The following ZNF658 variants were observed in gnomAD, a reference collection of about 807,000 sequenced individuals.
ZNF658 encodes zinc finger protein 658.
In ZNF658, 46 loss-of-function variants were observed where a neutral mutation model predicts 78.0. The observed-to-expected ratio is 0.59, with a 90% confidence interval of 0.47 to 0.75. ZNF658 has a LOEUF of 0.75. Among genes scored for constraint, ZNF658 ranks in the 30% least tolerant of loss-of-function variants. The pLI is 0.00. For synonymous variants in ZNF658, 279 were observed against 408.4 expected, an observed-to-expected ratio of 0.68 and a Z score of 3.82; for missense variants, 785 against 1,189.3, an observed-to-expected ratio of 0.66 and a Z score of 5.00.
In ZNF658 at chr9:66,931,572, G is replaced by A. The variant is rs1008087127; in HGVS notation, c.*55-453G>A. Among the ~76,000 whole-genome samples, 24 of 150,348 alleles carry A rather than the reference G, an allele frequency of 1.6e-4. 1 individual carries two copies. The highest frequency in any genetic ancestry group is 2.7e-4 in the Admixed American group (4 of 15,010). On this transcript the variant is annotated intron_variant and NMD_transcript_variant, in intron 6 of 6. Coordinates refer to the ZNF658 transcript ENST00000622180. ...ATCATATTCTCAACAATAATCCTAC[G>A]CTTGGTGAAATGTATAAGGGACCTT...
chr9:66,923,994 C>CA (rs1228528255), downstream of ZNF658, among the ~76,000 whole-genome samples: 7 of 148,164 alleles, frequency 4.7e-5, no homozygotes, highest in East Asian at 6.0e-4. Context: ...ACAAAAAATA[C>CA]AAAAAAATAA....
chr9:66,918,869 G>T lies in ZNF658; in HGVS notation c.1303G>T (p.Val435Leu). The T allele has an allele frequency of 1.3e-6, 2 of 1,599,976 alleles. No individual in the cohort carries two copies. Among genetic ancestry groups the T allele is most frequent in the Non-Finnish European group, 8.5e-7 (1 of 1,170,558 alleles). ...SHPIQHPGTY[V>L]GFKLYECNEC... Reference sequence around the variant, plus strand: ...TCCTATTCAGCATCCTGGAACTTATGTGGGATTCAAACTTTATGAATGTAA... The same window carrying T: ...TCCTATTCAGCATCCTGGAACTTATTTGGGATTCAAACTTTATGAATGTAA... Residue 435 changes from valine to leucine, a missense_variant, in exon 5 of 5, where the codon GTG (valine) becomes TTG (leucine). Around this residue, in one of 12 missense-constraint regions of ZNF658, gnomAD observed 393 missense variants for 400.2 expected, o/e 0.98. Coordinates refer to ENST00000621410, the MANE Select transcript of ZNF658 (RefSeq NM_033160.7).
intron 2 of ZNF658, among the ~76,000 whole-genome samples, chr9:66,905,987 A>G (rs1257137058): frequency 4.7e-5 from 7 of 150,270 alleles, no homozygotes; most frequent in Non-Finnish European, 7.4e-5. Context: ...CATTTTAAAT[A>G]AGGTGGCAAC....
chr9:66,923,920 A>G (rs1432827651), downstream of ZNF658, among the ~76,000 whole-genome samples: 1 of 129,562 alleles, frequency 7.7e-6, no homozygotes, highest in Non-Finnish European at 1.6e-5. Context: ...AGGCTGAAGC[A>G]GGTAGATCAC....
intron 6 of ZNF658, among the ~76,000 whole-genome samples, chr9:66,927,488 A>T (rs1224785335): frequency 2.0e-5 from 3 of 151,718 alleles, no homozygotes; most frequent in Non-Finnish European, 4.4e-5. Flanking sequence ...TTGCTCCAAT[A>T]ATCCCACTTC....
chr9:66,913,139 C>G (rs1822252091), intron 4 of ZNF658, among the ~76,000 whole-genome samples: 1 of 149,770 alleles, frequency 6.7e-6, no homozygotes, highest in South Asian at 2.1e-4. Context: ...AATGTAGAAG[C>G]CTCAGCTAGG....
chr9:66,918,165 A>T lies in ZNF658; in HGVS notation c.599A>T (p.Tyr200Phe), dbSNP rs1280039758. ...EHGENAKAFS[Y>F]KKDQHWKFQT... is the part of the protein sequence containing the mutation. ...GGTGAAAATGCTAAAGCTTTCAGTT[A>T]TAAGAAAGATCAGCATTGGAAATTT... Residue 200 changes from tyrosine (Y) to phenylalanine (F), a missense_variant, in exon 5 of 5, where the codon TAT becomes TTT. Physicochemically the swap from Tyr to Phe is conservative, Grantham distance 22. This residue lies in a region of ZNF658 where 393 missense variants were observed against 400.2 expected (regional missense o/e 0.98). Coordinates refer to ENST00000621410, the MANE Select transcript of ZNF658 (RefSeq NM_033160.7). 6.2e-7 allele frequency: 1 copy of T among 1,606,676 alleles called. No homozygotes were observed. The highest frequency in any genetic ancestry group is 8.5e-7 in the Non-Finnish European group (1 of 1,177,606).
At chr9:66,915,630 G>A (rs1822318677) in intron 4 of ZNF658, among the ~76,000 whole-genome samples, 1 of 151,952 alleles carries the variant, frequency 6.6e-6, no homozygotes, top group Non-Finnish European at 1.5e-5. Context: ...ATTTGTTGTA[G>A]TAGCCCGAAC....
intron 1 of ZNF658, among the ~76,000 whole-genome samples, chr9:66,901,878 G>C (rs1338261407): frequency 6.6e-6 from 1 of 152,098 alleles, no homozygotes; most frequent in African/African-American, 2.4e-5. Context: ...CGAGGCGGAC[G>C]CTGCAGTGAG....
At chr9:66,917,757 A>G in intron 4 of ZNF658, 48 bp from the exon 5 acceptor site, 1 of 1,431,954 alleles carries the variant, frequency 7.0e-7, no homozygotes, top group South Asian at 1.3e-5. Flanking sequence ...GTTCTTCTCC[A>G]TGAGAAATGT....
chr9:66,929,388 G>A (rs1186849072), intron 6 of ZNF658, among the ~76,000 whole-genome samples: 2 of 134,504 alleles, frequency 1.5e-5, no homozygotes, highest in South Asian at 2.8e-4. Context: ...AGCCATTGCA[G>A]GCACGGGGAA....
At position 66,908,639 on chromosome 9, in the gene ZNF658, G is replaced by C. The variant is rs775772095; in HGVS notation, c.143G>C (p.Gly48Ala). Reference sequence around the variant, plus strand: ...TCCATGTCAATTATTTTGTTTACAGGATATTGCATTACTAAACCTAAGGTG... The same window carrying C: ...TCCATGTCAATTATTTTGTTTACAGCATATTGCATTACTAAACCTAAGGTG... ...LENYSHLISV[G>A]YCITKPKVIS... Residue 48 changes from glycine to alanine, a missense_variant and splice_region_variant, in exon 4 of 5, where the codon GGA becomes GCA. Around this residue, in one of 12 missense-constraint regions of ZNF658, gnomAD observed 79 missense variants for 96.5 expected, o/e 0.82. Coordinates refer to ENST00000621410, the MANE Select transcript of ZNF658 (RefSeq NM_033160.7). 6.5e-7 allele frequency: 1 copy of C among 1,531,844 alleles called. No individual in the cohort carries two copies. The highest frequency in any genetic ancestry group is 1.4e-5 in the African/African-American group (1 of 71,378). 94.9% of individuals were successfully genotyped at this position (1,531,844 alleles called of 1,614,324 possible).
rs757933542 is a variant in ZNF658, at chr9:66,918,718, T to C, written c.1152T>C (p.Asp384=). 1.9e-6 allele frequency: 3 copies of C among 1,613,970 alleles called. No homozygotes were observed. The Middle Eastern group carries it at 5.0e-4, about 267-fold the overall frequency. The part of the protein sequence containing the change: ...IHTEDKFYLS[D]EHGKCRKSFY... ...CAGAAGATAAATTCTACCTTTCTGA[T>C]GAACATGGGAAATGCAGAAAATCCT... The change falls in exon 5 of 5, where the codon GAT becomes GAC. Residue 384 remains aspartate (D), a synonymous_variant. Transcript: ENST00000621410.
At chr9:66,921,791 G>A (rs978004165), downstream of ZNF658, among the ~76,000 whole-genome samples, 9 of 151,004 alleles carry the variant, frequency 6.0e-5, no homozygotes, top group South Asian at 2.1e-4. Flanking sequence ...TAGGCTACTC[G>A]TGGGTCAGGG....
Position 66,918,414 on chromosome 9 carries a change from C to A in ZNF658, c.848C>A (p.Thr283Asn). Residue 283 changes from threonine to asparagine, a missense_variant, in exon 5 of 5, where the codon ACC (threonine) becomes AAC (asparagine). Thr to Asn is a moderately conservative substitution (Grantham distance 65, BLOSUM62 0). This residue lies in a region of ZNF658 where 393 missense variants were observed against 400.2 expected (regional missense o/e 0.98). Coordinates refer to ENST00000621410, the MANE Select transcript of ZNF658 (RefSeq NM_033160.7). ...NEYGTSCDKT[T>N]AVEYNKVHMA... ...TATGGGACATCCTGTGACAAAACCACCGCTGTTGAATACAATAAAGTTCAC... is the reference window on the plus strand; with the variant it reads ...TATGGGACATCCTGTGACAAAACCAACGCTGTTGAATACAATAAAGTTCAC... 7 of 1,613,278 alleles carry A rather than the reference C, an allele frequency of 4.3e-6. No individual in the cohort carries two copies. Among genetic ancestry groups the A allele is most frequent in the Non-Finnish European group, 5.1e-6 (6 of 1,179,394 alleles).
At chr9:66,922,577 CAAAA>C, downstream of ZNF658, among the ~76,000 whole-genome samples, 1 of 82,196 alleles carries the variant, frequency 1.2e-5, no homozygotes, top group Middle Eastern at 4.5e-3. Flanking sequence ...AAGTATATGA[CAAAA>C]AAGCATAAAG....
chr9:66,909,945 C>T (rs958818994), intron 4 of ZNF658, among the ~76,000 whole-genome samples: 15 of 152,274 alleles, frequency 9.9e-5, no homozygotes, highest in South Asian at 2.1e-4. Flanking sequence ...CTCTTCCTGG[C>T]TTGAAGACAG....
At chr9:66,917,669 T>C in intron 4 of ZNF658, 136 bp from the exon 5 acceptor site, 3 of 608,226 alleles carry the variant, frequency 4.9e-6, no homozygotes, top group Non-Finnish European at 8.2e-6. Context: ...GCTATGATCA[T>C]GCCACTGCAC....
intron 2 of ZNF658, 31 bp from the exon 3 acceptor site, chr9:66,908,207 G>C (rs750276272): frequency 1.2e-5 from 19 of 1,613,472 alleles, no homozygotes. Flanking sequence ...ACAAACCATT[G>C]TTATATTTGT....
Sources: allele counts gnomAD v4.1 joint callset (sites outside exome capture counted in the v4.1 genomes callset), GRCh38; gene constraint gnomAD v4.1.1; regional missense constraint gnomAD v4.1.1; transcripts MANE v1.5; gene names NCBI Gene and HGNC (gene_info 2026-07-23, HGNC 2026-07-21).